ATAD3B: variants seen among roughly 807,000 people sequenced by gnomAD.
The protein encoded by ATAD3B is ATPase family AAA domain containing 3B, also known as ATPase family AAA domain-containing protein 3B.
Under a neutral mutation model 70.2 loss-of-function variants are expected in ATAD3B, and 59 were observed. That is an observed-to-expected ratio of 0.84 (90% CI 0.68 to 1.04). ATAD3B has a LOEUF of 1.04. ATAD3B is among the 50% of genes least tolerant of loss of function. The pLI is 0.00. For missense variants in ATAD3B, 961 were observed against 913.4 expected, an observed-to-expected ratio of 1.05 and a Z score of -0.67; for synonymous variants, 423 against 388.6, an observed-to-expected ratio of 1.09 and a Z score of -1.04.
rs150991470 is a variant in ATAD3B at position 1,473,579 on chromosome 1, C to T, written c.205+1490C>T. On this transcript the variant is annotated intron_variant, in intron 1 of 15. Transcript: ENST00000673477. ...GGCGCCATCTTGTCTCACTGCAAACCGCAACGCCCTGGTTCAAAGAATTCT... is the reference window on the plus strand; with the variant it reads ...GGCGCCATCTTGTCTCACTGCAAACTGCAACGCCCTGGTTCAAAGAATTCT... Among the ~76,000 whole-genome samples, 445 of 150,532 alleles carry T rather than the reference C, an allele frequency of 3.0e-3. 6 individuals are homozygous for T. Among genetic ancestry groups the T allele is most frequent in the African/African-American group, 7.0e-3 (288 of 40,956 alleles).
intron 7 of ATAD3B, chr1:1,483,025 T>C (rs1317810560): frequency 2.2e-6 from 1 of 457,102 alleles, no homozygotes; most frequent in Non-Finnish European, 4.4e-6. Flanking sequence ...CAGGCGGTAG[T>C]GGCTCAGGCC....
chr1:1,487,752 C>G, intron 11 of ATAD3B, 111 bp from the exon 12 acceptor site: 2 of 1,349,976 alleles, frequency 1.5e-6, no homozygotes, highest in Non-Finnish European at 2.1e-6. Context: ...TGGGGCAGAG[C>G]CTGACCCCGT....
Position 1,487,729 on chromosome 1 carries a change from T to G in ATAD3B, c.1215-134T>G. The G allele has an allele frequency of 3.5e-6, 4 of 1,135,724 alleles. No homozygotes were observed. The Admixed American group carries it at 5.3e-5, about 15-fold the overall frequency. 70.4% of individuals were successfully genotyped at this position (1,135,724 alleles called of 1,614,324 possible). ...GATCGGCTTCTGTCGAGTCCAGGAC[T>G]TAGGGCTCCTGATGGGGCAGAGCCT... On this transcript the variant is annotated intron_variant, in intron 11 of 15. Coordinates refer to ENST00000673477, the MANE Select transcript of ATAD3B (RefSeq NM_031921.6).
In ATAD3B at chr1:1,495,993, G is replaced by T. The variant is rs1640775318; in HGVS notation, c.*176G>T. The stretch of plus-strand genomic sequence containing the variant: ...GGGCAGAAGGAGTGGGGCAGGCGGG[G>T]TCTTTGTTCTCGGCTCCCACAGCAG... On this transcript the variant is annotated 3_prime_UTR_variant, in exon 16 of 16. Coordinates refer to ENST00000673477, the MANE Select transcript of ATAD3B (RefSeq NM_031921.6). The T allele has an allele frequency of 5.2e-6, 7 of 1,359,032 alleles. 1 individual carries two copies. The highest frequency in any genetic ancestry group is 2.9e-5 in the African/African-American group (2 of 68,610). The allele number at this position is 1,359,032 out of a possible 1,614,324, so 84.2% of individuals were successfully genotyped here. A position where few individuals can be genotyped will look rare whatever the true frequency, so the allele number is the denominator to read the frequency against.
intron 7 of ATAD3B, chr1:1,483,062 A>C (rs1469415411): frequency 2.2e-6 from 1 of 455,076 alleles, no homozygotes; most frequent in Non-Finnish European, 4.4e-6. Flanking sequence ...TCGGAGGCGG[A>C]GGTGGGCGGA....
intron 15 of ATAD3B, 78 bp from the exon 16 acceptor site, chr1:1,495,407 C>A: frequency 6.6e-7 from 1 of 1,517,804 alleles, no homozygotes; most frequent in African/African-American, 1.4e-5. Context: ...TGGCCCCTCC[C>A]CACCTCGGGG....
chr1:1,489,538 C>T, intron 13 of ATAD3B: 4 of 987,058 alleles, frequency 4.1e-6, no homozygotes, highest in Non-Finnish European at 5.9e-6. Flanking sequence ...GTCCCTCTGC[C>T]CCTAGATTTC....
intron 4 of ATAD3B, among the ~76,000 whole-genome samples, chr1:1,479,504 A>G (rs142407972): frequency 0.024 from 3,412 of 141,484 alleles, 412 homozygotes; most frequent in African/African-American, 0.087. Flanking sequence ...ACACAGGGGC[A>G]TGGACAGACA....
chr1:1,474,123 C>T (rs1175920539), intron 1 of ATAD3B, among the ~76,000 whole-genome samples: 2 of 151,968 alleles, frequency 1.3e-5, no homozygotes, highest in East Asian at 1.9e-4. Flanking sequence ...GGGTAAAAGC[C>T]GTCCAACCGT....
chr1:1,488,499 G>A (rs1161932586), intron 12 of ATAD3B, among the ~76,000 whole-genome samples: 1 of 152,022 alleles, frequency 6.6e-6, no homozygotes, highest in Admixed American at 6.6e-5. Flanking sequence ...AGTGGCTCAC[G>A]TGTGTAATCC....
intron 4 of ATAD3B, among the ~76,000 whole-genome samples, chr1:1,479,957 C>T (rs1411593590): frequency 6.9e-6 from 1 of 145,724 alleles, no homozygotes; most frequent in African/African-American, 2.6e-5. Context: ...CACACACGGG[C>T]ACACCCCACC....
At position 1,496,436 on chromosome 1, in the gene ATAD3B, C is replaced by T. The variant is rs575949563; in HGVS notation, c.*619C>T. 5 of 173,298 alleles carry T rather than the reference C, an allele frequency of 2.9e-5. No homozygotes were observed. Among genetic ancestry groups the T allele is most frequent in the South Asian group, 1.9e-4 (1 of 5,252 alleles). 10.7% of individuals were successfully genotyped at this position (173,298 alleles called of 1,614,324 possible). On this transcript the variant is annotated 3_prime_UTR_variant, in exon 16 of 16. Coordinates refer to ENST00000673477, the MANE Select transcript of ATAD3B (RefSeq NM_031921.6). Reference sequence around the variant, plus strand: ...CCTCCCTCCTGAAGGAGGGGCACCCCGAGAAGAATGAGGCTGCAGAGTGAT... The same window carrying T: ...CCTCCCTCCTGAAGGAGGGGCACCCTGAGAAGAATGAGGCTGCAGAGTGAT...
At chr1:1,503,907 T>C in the ATAD3B span, among the ~76,000 whole-genome samples, 1 of 152,044 alleles carries the variant, frequency 6.6e-6, no homozygotes, top group Non-Finnish European at 1.5e-5. Flanking sequence ...AGGATGGGGA[T>C]CTTCTTGACA....
chr1:1,483,146 G>A (rs958391694), intron 7 of ATAD3B: 53 of 401,194 alleles, frequency 1.3e-4, no homozygotes, highest in Non-Finnish European at 2.4e-4. Flanking sequence ...GAAAAAAAAA[G>A]AAAAGAATTA....
chr1:1,486,047 C>G lies in ATAD3B; in HGVS notation c.964-63C>G, dbSNP rs1036387246. On this transcript the variant is annotated intron_variant, in intron 9 of 15. Transcript: ENST00000673477. ...GTCCGCACCCGGGCATTCCCGCAGCCCCTGTCACCGAGGCTTCCGTGGGTG... is the reference window on the plus strand; with the variant it reads ...GTCCGCACCCGGGCATTCCCGCAGCGCCTGTCACCGAGGCTTCCGTGGGTG... 5.6e-6 allele frequency: 9 copies of G among 1,610,194 alleles called. No homozygotes were observed. In the African/African-American group the frequency reaches 1.2e-4, roughly 22 times the overall value.
chr1:1,478,989 AGTCG>A (rs1243225007), intron 3 of ATAD3B, 56 bp from the exon 4 acceptor site: 1 of 828,186 alleles, frequency 1.2e-6, no homozygotes, highest in Non-Finnish European at 1.8e-6. Flanking sequence ...CGCTCCGCCC[AGTCG>A]GCCCAGACTG....
chr1:1,476,835 TG>T (rs914664539), intron 1 of ATAD3B, among the ~76,000 whole-genome samples: 5 of 148,796 alleles, frequency 3.4e-5, no homozygotes, highest in Non-Finnish European at 7.4e-5. Flanking sequence ...GAGACGGAGT[TG>T]CGCTCTGTTG....
At chr1:1,499,569 G>T (rs1403932719), downstream of ATAD3B, among the ~76,000 whole-genome samples, 1 of 146,174 alleles carries the variant, frequency 6.8e-6, no homozygotes, top group East Asian at 2.0e-4. Context: ...CCCTGGTGGG[G>T]TTGGTTCCAA....
intron 15 of ATAD3B, among the ~76,000 whole-genome samples, chr1:1,493,983 G>C (rs1325988759): frequency 1.3e-5 from 2 of 151,918 alleles, no homozygotes; most frequent in African/African-American, 2.4e-5. Context: ...TTGAGGAGTG[G>C]TACTGATTCT....
Sources: allele counts gnomAD v4.1 joint callset (sites outside exome capture counted in the v4.1 genomes callset), GRCh38; gene constraint gnomAD v4.1.1; transcripts MANE v1.5; gene names NCBI Gene and HGNC (gene_info 2026-07-23, HGNC 2026-07-21).